FSHR: variants seen among roughly 807,000 people sequenced by gnomAD.
FSHR encodes the protein follicle-stimulating hormone receptor.
A neutral mutation model predicts 52.1 loss-of-function variants in FSHR; 46 were observed. That is an observed-to-expected ratio of 0.88 (90% confidence interval 0.70 to 1.13). The LOEUF (loss-of-function observed/expected upper bound fraction) is 1.13. Among genes scored for constraint, FSHR ranks in the 50% most tolerant of loss-of-function variants. FSHR has a pLI of 0.00. For missense variants in FSHR, 964 were observed against 834.6 expected (o/e 1.16, Z -1.91); for synonymous variants, 399 against 309.6 (o/e 1.29, Z -3.03).
At chr2:48,969,701 T>C (rs1366066532) in intron 8 of FSHR, among the ~76,000 whole-genome samples, 2 of 152,224 alleles carry the variant, frequency 1.3e-5, no homozygotes, top group Non-Finnish European at 2.9e-5. Flanking sequence ...AAGTTGTTCT[T>C]GTTTGGTAGG....
Position 48,962,978 on chromosome 2 carries a change from G to A in FSHR, c.1843C>T (p.His615Tyr), listed in dbSNP as rs1674298200. The A allele has an allele frequency of 6.2e-7, 1 of 1,614,046 alleles. No homozygotes were observed. Among genetic ancestry groups the A allele is most frequent in the African/African-American group, 1.3e-5 (1 of 74,912 alleles). Residue 615 changes from histidine (H) to tyrosine (Y), a missense_variant, in exon 10 of 10, where the codon CAC becomes TAC. Transcript: ENST00000406846. The part of the protein sequence containing the change: ...SKAKILLVLF[H>Y]PINSCANPFL... ...GGGTTGGCACAGGAGTTGATGGGGT[G>A]AAACAGAACCAGCAGAATCTTTGCT...
At chr2:49,057,181 T>C in intron 2 of FSHR, among the ~76,000 whole-genome samples, 1 of 151,860 alleles carries the variant, frequency 6.6e-6, no homozygotes, top group South Asian at 2.1e-4. Flanking sequence ...CAGAAATAAA[T>C]GAAATTAACA....
intron 3 of FSHR, 75 bp from the exon 4 acceptor site, chr2:49,017,638 T>C: frequency 9.3e-7 from 1 of 1,080,390 alleles, no homozygotes; most frequent in Non-Finnish European, 1.4e-6. Context: ...TTTTACAGAG[T>C]ACATAATAAA....
Position 49,020,155 on chromosome 2 carries a change from A to T in FSHR, c.230T>A (p.Ile77Asn). 1 of 1,613,026 alleles carries T rather than the reference A, an allele frequency of 6.2e-7. No individual in the cohort carries two copies. The highest frequency in any genetic ancestry group is 1.7e-4 in the Middle Eastern group (1 of 6,058). Residue 77 changes from isoleucine (I) to asparagine (N), a missense_variant, in exon 3 of 10, where the codon ATC (isoleucine) becomes AAC (asparagine). Coordinates refer to ENST00000406846, the MANE Select transcript of FSHR (RefSeq NM_000145.4). ...CACCTCCAAGACATCATTCTGAGAG[A>T]TCTCTCTGTGGAGAAAAAAATATAT... ...SGFGDLEKIE[I>N]SQNDVLEVIE...
At chr2:49,127,325 C>G (rs1672038311) in intron 1 of FSHR, among the ~76,000 whole-genome samples, 1 of 113,440 alleles carries the variant, frequency 8.8e-6, no homozygotes, top group Non-Finnish European at 1.8e-5. Context: ...AAGACTTTGT[C>G]TAAGAAAAAA....
At chr2:49,000,590 C>T (rs1431050958) in intron 4 of FSHR, among the ~76,000 whole-genome samples, 1 of 152,136 alleles carries the variant, frequency 6.6e-6, no homozygotes, top group Non-Finnish European at 1.5e-5. Context: ...AATTCTTAAC[C>T]TCTCATGCAC....
At chr2:49,095,912 T>C (rs550074585) in intron 1 of FSHR, among the ~76,000 whole-genome samples, 1 of 152,118 alleles carries the variant, frequency 6.6e-6, no homozygotes, top group African/African-American at 2.4e-5. Context: ...ATAATCACAA[T>C]GAAATGCCAC....
At chr2:48,974,515 G>A (rs1190196956) in intron 8 of FSHR, among the ~76,000 whole-genome samples, 3 of 152,222 alleles carry the variant, frequency 2.0e-5, no homozygotes, top group African/African-American at 7.2e-5. Context: ...GATGTTGAAG[G>A]AGGGAGCTCT....
intron 1 of FSHR, among the ~76,000 whole-genome samples, chr2:49,077,359 A>G: frequency 6.6e-6 from 1 of 152,192 alleles, no homozygotes; most frequent in Non-Finnish European, 1.5e-5. Context: ...TTTCAGCCAC[A>G]GCTGGAGCAG....
At chr2:49,130,561 T>G (rs1672228785) in intron 1 of FSHR, among the ~76,000 whole-genome samples, 2 of 152,246 alleles carry the variant, frequency 1.3e-5, no homozygotes, top group Non-Finnish European at 2.9e-5. Flanking sequence ...AGTCATTAAT[T>G]TCATTTATTC....
chr2:49,051,759 A>T (rs1668865723), intron 2 of FSHR, among the ~76,000 whole-genome samples: 1 of 151,862 alleles, frequency 6.6e-6, no homozygotes, highest in Non-Finnish European at 1.5e-5. Flanking sequence ...TGTTCTACTT[A>T]AGGAATCTTT....
chr2:49,087,332 A>G (rs1265174612), intron 1 of FSHR, among the ~76,000 whole-genome samples: 1 of 152,036 alleles, frequency 6.6e-6, no homozygotes, highest in East Asian at 1.9e-4. Context: ...GAAGAAGAGC[A>G]TTGGATGGAA....
At chr2:49,128,063 G>C (rs943385015) in intron 1 of FSHR, among the ~76,000 whole-genome samples, 2 of 151,270 alleles carry the variant, frequency 1.3e-5, no homozygotes, top group Non-Finnish European at 1.5e-5. Context: ...TCTATTTTTA[G>C]TAGAGATGGG....
intron 1 of FSHR, among the ~76,000 whole-genome samples, chr2:49,144,484 A>C (rs9789669): frequency 0.18 from 26,714 of 152,132 alleles, 2,385 homozygotes; most frequent in Middle Eastern, 0.26. Context: ...AGATTTTCAC[A>C]ATCAGGGGCA....
chr2:48,964,067 G>T, intron 9 of FSHR, 101 bp from the exon 10 acceptor site: 1 of 1,272,610 alleles, frequency 7.9e-7, no homozygotes, highest in Non-Finnish European at 1.1e-6. Flanking sequence ...TTCTTCCTGA[G>T]ATTTTTTTTT....
chr2:49,092,144 T>A (rs554006656), intron 1 of FSHR, among the ~76,000 whole-genome samples: 79 of 152,348 alleles, frequency 5.2e-4, no homozygotes, highest in Admixed American at 2.2e-3. Context: ...GTAAGTGATG[T>A]TAGATTTTAT....
intron 4 of FSHR, among the ~76,000 whole-genome samples, chr2:49,003,473 T>A (rs549041545): frequency 6.6e-6 from 1 of 152,284 alleles, no homozygotes; most frequent in Admixed American, 6.5e-5. Flanking sequence ...GACTTGCCCT[T>A]GGGGAAGACA....
chr2:49,145,302 C>T (rs572409241), intron 1 of FSHR, among the ~76,000 whole-genome samples: 5 of 152,070 alleles, frequency 3.3e-5, no homozygotes, highest in Non-Finnish European at 4.4e-5. Context: ...AATATTTGGA[C>T]ACCTTTCCAT....
chr2:49,033,687 C>T (rs1014796334), intron 2 of FSHR, among the ~76,000 whole-genome samples: 2 of 151,980 alleles, frequency 1.3e-5, no homozygotes, highest in Admixed American at 6.6e-5. Context: ...TTTGAGAGCC[C>T]TCCTCCCCCC....
Sources: allele counts gnomAD v4.1 joint callset (sites outside exome capture counted in the v4.1 genomes callset), GRCh38; gene constraint gnomAD v4.1.1; transcripts MANE v1.5; gene names NCBI Gene and HGNC (gene_info 2026-07-23, HGNC 2026-07-21).